The following NRG3 variants were observed in gnomAD, a reference collection of about 807,000 sequenced individuals.
NRG3 encodes the protein neuregulin 3, also known as pro-neuregulin-3, membrane-bound isoform.
A neutral mutation model predicts 66.9 loss-of-function variants in NRG3; 31 were observed. The ratio of observed to expected loss-of-function variants is 0.46; its 90% CI spans 0.35 to 0.63. NRG3 has a LOEUF of 0.63. NRG3 is among the 20% of genes least tolerant of loss of function. The pLI, the probability that NRG3 is intolerant of heterozygous loss-of-function variation, is 0.00. For synonymous variants in NRG3, 393 were observed against 359.4 expected (o/e 1.09, Z -1.06); for missense variants, 910 against 878.9 (o/e 1.04, Z -0.45).
At chr10:81,922,140 T>A (rs1341300980) in intron 1 of NRG3, among the ~76,000 whole-genome samples, 1 of 152,130 alleles carries the variant, frequency 6.6e-6, no homozygotes, top group Non-Finnish European at 1.5e-5. Context: ...AGTTAACGAC[T>A]TTTTTTGTCA....
chr10:82,020,424 C>T (rs1382693351), intron 1 of NRG3, among the ~76,000 whole-genome samples: 3 of 152,048 alleles, frequency 2.0e-5, no homozygotes, highest in African/African-American at 7.2e-5. Flanking sequence ...ACACCTCACT[C>T]TCACAGAGGA....
At chr10:82,326,681 C>T (rs1175996329) in intron 1 of NRG3, among the ~76,000 whole-genome samples, 1 of 152,068 alleles carries the variant, frequency 6.6e-6, no homozygotes, top group African/African-American at 2.4e-5. Flanking sequence ...CCATCCCATC[C>T]AGTGCATTTG....
At chr10:82,826,987 C>G (rs1361353387) in intron 3 of NRG3, among the ~76,000 whole-genome samples, 1 of 151,830 alleles carries the variant, frequency 6.6e-6, no homozygotes, top group Non-Finnish European at 1.5e-5. Flanking sequence ...CGTCAAAATA[C>G]TTTCTAAATG....
chr10:81,994,044 A>C (rs532352549), intron 1 of NRG3, among the ~76,000 whole-genome samples: 1 of 152,308 alleles, frequency 6.6e-6, no homozygotes, highest in South Asian at 2.1e-4. Context: ...ACGTACGAAA[A>C]ATGTAATTGC....
At chr10:81,932,106 A>G (rs772937420) in intron 1 of NRG3, among the ~76,000 whole-genome samples, 1 of 151,918 alleles carries the variant, frequency 6.6e-6, no homozygotes, top group African/African-American at 2.4e-5. Flanking sequence ...GCTAACAGTC[A>G]TGGTGGAAGG....
At chr10:82,197,183 T>C (rs748652229) in intron 1 of NRG3, among the ~76,000 whole-genome samples, 5 of 152,190 alleles carry the variant, frequency 3.3e-5, no homozygotes, top group Non-Finnish European at 5.9e-5. Flanking sequence ...ACTTCATTGA[T>C]TCATCTACCT....
intron 1 of NRG3, among the ~76,000 whole-genome samples, chr10:81,928,772 C>A (rs1352943888): frequency 6.6e-6 from 1 of 152,090 alleles, no homozygotes; most frequent in Non-Finnish European, 1.5e-5. Flanking sequence ...AAATATATCT[C>A]TATGTACTGA....
intron 1 of NRG3, among the ~76,000 whole-genome samples, chr10:82,066,635 C>G (rs975553724): frequency 1.3e-5 from 2 of 152,108 alleles, no homozygotes; most frequent in Non-Finnish European, 2.9e-5. Flanking sequence ...CTATAAGATC[C>G]ATGTCTGCTG....
At chr10:82,021,911 A>G (rs1458882160) in intron 1 of NRG3, among the ~76,000 whole-genome samples, 1 of 151,606 alleles carries the variant, frequency 6.6e-6, no homozygotes, top group Non-Finnish European at 1.5e-5. Context: ...CTGTGATTCA[A>G]CATCTGTTGC....
At chr10:82,182,888 G>T (rs1035691401) in intron 1 of NRG3, among the ~76,000 whole-genome samples, 1 of 151,816 alleles carries the variant, frequency 6.6e-6, no homozygotes, top group South Asian at 2.1e-4. Context: ...GGAGAGTTTT[G>T]CCAGGTATAA....
chr10:82,503,596 G>A (rs761886728), intron 2 of NRG3, among the ~76,000 whole-genome samples: 7 of 152,146 alleles, frequency 4.6e-5, no homozygotes, highest in African/African-American at 1.2e-4. Flanking sequence ...TAGATCTCAC[G>A]GGGCCCTCAA....
chr10:82,963,832 G>A (rs1850924672), intron 6 of NRG3, among the ~76,000 whole-genome samples: 1 of 152,160 alleles, frequency 6.6e-6, no homozygotes, highest in African/African-American at 2.4e-5. Context: ...TGGGTTTGGT[G>A]GGGGTGAGTG....
intron 4 of NRG3, among the ~76,000 whole-genome samples, chr10:82,888,847 C>T (rs1411842317): frequency 6.6e-6 from 1 of 151,856 alleles, no homozygotes; most frequent in Non-Finnish European, 1.5e-5. Context: ...TCACTAAGAA[C>T]GTAGTATTTT....
At chr10:82,300,304 A>G (rs757935560) in intron 1 of NRG3, among the ~76,000 whole-genome samples, 2 of 152,172 alleles carry the variant, frequency 1.3e-5, no homozygotes, top group Non-Finnish European at 2.9e-5. Flanking sequence ...TAAATTAATG[A>G]TCATTGTTGA....
intron 1 of NRG3, among the ~76,000 whole-genome samples, chr10:82,069,414 G>C (rs1172634454): frequency 2.0e-5 from 3 of 152,308 alleles, no homozygotes; most frequent in African/African-American, 4.8e-5. Flanking sequence ...TTCTTACAAT[G>C]GGTGAGGCAC....
chr10:82,805,542 T>C (rs1431900659), intron 3 of NRG3, among the ~76,000 whole-genome samples: 5 of 152,170 alleles, frequency 3.3e-5, no homozygotes, highest in Admixed American at 2.6e-4. Context: ...CCTCCTCCGT[T>C]TAGAAACTGG....
intron 3 of NRG3, among the ~76,000 whole-genome samples, chr10:82,776,524 T>C (rs1002302633): frequency 2.6e-5 from 4 of 152,164 alleles, no homozygotes. Flanking sequence ...TTATGTGCCT[T>C]TTTCCATCTC....
chr10:82,727,372 AT>A (rs2057659450), intron 2 of NRG3, among the ~76,000 whole-genome samples: 1 of 152,168 alleles, frequency 6.6e-6, no homozygotes, highest in Non-Finnish European at 1.5e-5. Flanking sequence ...CCCCTCTGCT[AT>A]GTGCAGTCTA....
chr10:82,573,527 C>T (rs1435673052), intron 2 of NRG3, among the ~76,000 whole-genome samples: 1 of 151,770 alleles, frequency 6.6e-6, no homozygotes, highest in African/African-American at 2.4e-5. Flanking sequence ...TTAAACCTCT[C>T]CGCATAGTAT....
Sources: gnomAD v4.1 joint callset for allele counts (sites outside exome capture counted in the v4.1 genomes callset) on GRCh38, gnomAD v4.1.1 for gene constraint, MANE v1.5 for transcripts, NCBI Gene and HGNC (gene_info 2026-07-23, HGNC 2026-07-21) for gene names.